Variants in EAF2 observed in about 807,000 individuals in gnomAD.
The protein encoded by EAF2 is ELL associated factor 2, also known as ELL-associated factor 2.
EAF2 carries 29 observed loss-of-function variants against 29.4 expected under a neutral mutation model. The ratio of observed to expected loss-of-function variants is 0.99; its 90% CI spans 0.73 to 1.35. The LOEUF (loss-of-function observed/expected upper bound fraction) is 1.35, where lower values mean the gene tolerates loss of function less well. Among genes scored for constraint, EAF2 ranks in the 40% most tolerant of loss-of-function variants. The pLI, the probability that EAF2 is intolerant of heterozygous loss-of-function variation, is 0.00. For missense variants in EAF2, 292 were observed against 312.0 expected (o/e 0.94, Z 0.48); for synonymous variants, 103 against 102.5 (o/e 1.00, Z -0.03).
At chr3:121,849,433 G>A (rs538085624) in intron 2 of EAF2, among the ~76,000 whole-genome samples, 16 of 152,144 alleles carry the variant, frequency 1.1e-4, no homozygotes, top group East Asian at 5.8e-4. Flanking sequence ...TCAAAGTGTC[G>A]AATTTTGAAA....
At chr3:121,877,645 A>T (rs1449333728) in intron 5 of EAF2, among the ~76,000 whole-genome samples, 1 of 30,338 alleles carries the variant, frequency 3.3e-5, no homozygotes, top group Non-Finnish European at 7.6e-5. Flanking sequence ...AATATTTATA[A>T]TTGAACATTA....
chr3:121,886,332 C>T lies in EAF2; in HGVS notation c.737-10C>T, dbSNP rs756945053. 7 of 1,466,922 alleles carry T rather than the reference C, an allele frequency of 4.8e-6. No homozygotes were observed. The highest frequency in any genetic ancestry group is 5.5e-6 in the Non-Finnish European group (6 of 1,100,660). The allele number at this position is 1,466,922 out of a possible 1,614,324, so 90.9% of individuals were successfully genotyped here. A position where few individuals can be genotyped will look rare whatever the true frequency, so the allele number is the denominator to read the frequency against. On this transcript the variant is annotated splice_polypyrimidine_tract_variant and intron_variant, in intron 5 of 5. Coordinates refer to ENST00000273668, the MANE Select transcript of EAF2 (RefSeq NM_018456.6). ...ATTACTACAGTTTTGTTATTTCTTTCTTATTTTAGGAAATGATTTGCAGCT... is the reference window on the plus strand; with the variant it reads ...ATTACTACAGTTTTGTTATTTCTTTTTTATTTTAGGAAATGATTTGCAGCT...
intron 1 of EAF2, among the ~76,000 whole-genome samples, chr3:121,840,521 A>AAAAAAAAAAAC (rs1708398695): frequency 8.0e-6 from 1 of 124,396 alleles, no homozygotes; most frequent in African/African-American, 3.1e-5. Flanking sequence ...AAAAAAAAAA[A>AAAAAAAAAAAC]CGGGCCGGGT....
At position 121,872,754 on chromosome 3, in the gene EAF2, T is replaced by C. The variant is rs376558625; in HGVS notation, c.702T>C (p.Phe234=). 2.5e-6 allele frequency: 4 copies of C among 1,612,248 alleles called. No homozygotes were observed. Among genetic ancestry groups the C allele is most frequent in the Non-Finnish European group, 3.4e-6 (4 of 1,178,878 alleles). ...ATATAGATGCCAGTCATAATAGATT[T>C]CGAGACAACAGTGGCCTTCTGATGA... ...IPDIDASHNR[F]RDNSGLLMNT... is the part of the protein sequence containing the mutation. Residue 234 remains phenylalanine (F), a synonymous_variant, in exon 5 of 6, where the codon TTT becomes TTC. Transcript: ENST00000273668.
At chr3:121,882,289 C>T (rs558473332) in intron 5 of EAF2, among the ~76,000 whole-genome samples, 1 of 150,392 alleles carries the variant, frequency 6.6e-6, no homozygotes. Context: ...GTGGAGGTTA[C>T]AGTAAGCTGA....
chr3:121,859,445 G>A (rs549332783), intron 4 of EAF2, among the ~76,000 whole-genome samples: 1 of 152,210 alleles, frequency 6.6e-6, no homozygotes, highest in Non-Finnish European at 1.5e-5. Flanking sequence ...GTGAATGGGA[G>A]TTCACTCATG....
At chr3:121,863,119 T>C (rs1446335777) in intron 4 of EAF2, among the ~76,000 whole-genome samples, 1 of 152,200 alleles carries the variant, frequency 6.6e-6, no homozygotes, top group Non-Finnish European at 1.5e-5. Context: ...GGGAGGTGTC[T>C]CCCAGTTAGG....
At chr3:121,849,446 A>G (rs1708588528) in intron 2 of EAF2, among the ~76,000 whole-genome samples, 1 of 152,248 alleles carries the variant, frequency 6.6e-6, no homozygotes, top group African/African-American at 2.4e-5. Context: ...TTTTGAAAGA[A>G]AAAGTTTTAC....
intron 2 of EAF2, among the ~76,000 whole-genome samples, chr3:121,851,353 T>A (rs902750639): frequency 6.6e-6 from 1 of 151,266 alleles, no homozygotes; most frequent in African/African-American, 2.4e-5. Flanking sequence ...AATTTTTAGT[T>A]TTTTTTTTGT....
At chr3:121,881,894 A>C (rs1209607753) in intron 5 of EAF2, among the ~76,000 whole-genome samples, 1 of 152,186 alleles carries the variant, frequency 6.6e-6, no homozygotes, top group African/African-American at 2.4e-5. Context: ...TAATTTACCA[A>C]ATCACAACCA....
chr3:121,864,144 A>AT (rs1208367601), intron 4 of EAF2, among the ~76,000 whole-genome samples: 3 of 151,926 alleles, frequency 2.0e-5, no homozygotes, highest in Non-Finnish European at 2.9e-5. Context: ...TTAAATCTCC[A>AT]TTTTTTTTCT....
At chr3:121,864,661 G>T (rs1352184208) in intron 4 of EAF2, among the ~76,000 whole-genome samples, 3 of 141,760 alleles carry the variant, frequency 2.1e-5, no homozygotes, top group Non-Finnish European at 4.7e-5. Context: ...ACAAAAAAAT[G>T]CAAAATTAGC....
At chr3:121,885,980 T>TAA (rs199731989) in intron 5 of EAF2, among the ~76,000 whole-genome samples, 1 of 149,498 alleles carries the variant, frequency 6.7e-6, no homozygotes, top group African/African-American at 2.5e-5. Flanking sequence ...CCATTTTAAG[T>TAA]AAAAAAAAAA....
chr3:121,877,843 G>A (rs1284864878), intron 5 of EAF2, among the ~76,000 whole-genome samples: 1 of 152,030 alleles, frequency 6.6e-6, no homozygotes, highest in African/African-American at 2.4e-5. Context: ...ATTCACAGGT[G>A]CAAACATGGT....
chr3:121,842,826 A>G (rs917712667), intron 1 of EAF2, among the ~76,000 whole-genome samples: 1 of 152,144 alleles, frequency 6.6e-6, no homozygotes, highest in African/African-American at 2.4e-5. Flanking sequence ...AGCATCTAAA[A>G]CTTAACACCT....
intron 5 of EAF2, among the ~76,000 whole-genome samples, chr3:121,877,328 G>T (rs1001409665): frequency 2.0e-5 from 3 of 151,778 alleles, no homozygotes; most frequent in African/African-American, 4.8e-5. Flanking sequence ...TTCAGTAAGG[G>T]TATGAAATCT....
At chr3:121,867,510 GA>G (rs571151887) in intron 4 of EAF2, among the ~76,000 whole-genome samples, 1 of 151,854 alleles carries the variant, frequency 6.6e-6, no homozygotes, top group East Asian at 1.9e-4. Context: ...AGTGCTGAAA[GA>G]AAAAAAATGT....
intron 4 of EAF2, among the ~76,000 whole-genome samples, chr3:121,865,622 G>A (rs749988504): frequency 6.6e-5 from 10 of 152,016 alleles, no homozygotes; most frequent in South Asian, 4.2e-4. Flanking sequence ...TGGGAGGATC[G>A]TTTGAGGCCA....
chr3:121,854,675 C>A lies in EAF2; in HGVS notation c.202-12C>A. 6.6e-7 allele frequency: 1 copy of A among 1,512,680 alleles called. No homozygotes were observed. The highest frequency in any genetic ancestry group is 1.4e-5 in the South Asian group (1 of 73,356). The allele number at this position is 1,512,680 out of a possible 1,614,324, so 93.7% of individuals were successfully genotyped here. On this transcript the variant is annotated splice_polypyrimidine_tract_variant and intron_variant, in intron 2 of 5. Coordinates refer to ENST00000273668, the MANE Select transcript of EAF2 (RefSeq NM_018456.6). Reference sequence around the variant, plus strand: ...ATAAATTTTAAGTAATAATAATTAACTTTTTAAACAGGGTTCAACTCCACC... The same window carrying A: ...ATAAATTTTAAGTAATAATAATTAAATTTTTAAACAGGGTTCAACTCCACC...
Sources: allele counts gnomAD v4.1 joint callset (sites outside exome capture counted in the v4.1 genomes callset), GRCh38; gene constraint gnomAD v4.1.1; transcripts MANE v1.5; gene names NCBI Gene and HGNC (gene_info 2026-07-23, HGNC 2026-07-21).